CDK13: variants seen among roughly 807,000 people sequenced by gnomAD.
The protein encoded by CDK13 is cyclin-dependent kinase 13.
CDK13 carries 40 observed loss-of-function variants against 137.6 expected under a neutral mutation model. That is an observed-to-expected ratio of 0.29 (90% CI 0.23 to 0.38). The LOEUF (loss-of-function observed/expected upper bound fraction) is 0.38. CDK13 is among the 10% of genes least tolerant of loss of function. CDK13 has a pLI of 1.00. For synonymous variants in CDK13, 869 were observed against 760.1 expected (o/e 1.14, Z -2.36); for missense variants, 1,704 against 1,951.8 (o/e 0.87, Z 2.39).
intron 5 of CDK13, among the ~76,000 whole-genome samples, chr7:40,030,271 A>G (rs1785345253): frequency 7.1e-6 from 1 of 141,192 alleles, no homozygotes; most frequent in African/African-American, 3.0e-5. Flanking sequence ...GTATATATAT[A>G]TATAGAGAGA....
intron 5 of CDK13, among the ~76,000 whole-genome samples, chr7:40,016,000 G>A (rs1784997897): frequency 6.6e-6 from 1 of 152,184 alleles, no homozygotes; most frequent in African/African-American, 2.4e-5. Flanking sequence ...AGGAAGTTAA[G>A]GAGCAGATAC....
intron 5 of CDK13, among the ~76,000 whole-genome samples, chr7:40,027,558 A>G (rs1785269752): frequency 2.0e-5 from 3 of 151,970 alleles, no homozygotes. Flanking sequence ...AGTTCTAAAC[A>G]GCTTGGTATT....
Position 39,950,523 on chromosome 7 carries a change from G to T in CDK13, c.-119G>T, listed in dbSNP as rs1477147959. On this transcript the variant is annotated 5_prime_UTR_variant, in exon 1 of 14. Transcript: ENST00000181839. ...CCGGATTATCGTGGCGCTTTTCCCG[G>T]CCGGCTCTGGTGCTCGGTGTCCCTC... The T allele has an allele frequency of 9.5e-6, 12 of 1,266,048 alleles. No homozygotes were observed. The highest frequency in any genetic ancestry group is 2.0e-6 in the Non-Finnish European group (2 of 1,006,580). The allele number at this position is 1,266,048 out of a possible 1,614,324, so 78.4% of individuals were successfully genotyped here. A position where few individuals can be genotyped will look rare whatever the true frequency, so the allele number is the denominator to read the frequency against.
chr7:39,962,998 C>A (rs758980351), intron 1 of CDK13, among the ~76,000 whole-genome samples: 4 of 152,158 alleles, frequency 2.6e-5, no homozygotes, highest in Non-Finnish European at 5.9e-5. Context: ...TGTTTTAGTA[C>A]CAGTACCATG....
At chr7:39,976,323 T>TCTCTCTCTCTCACA in intron 1 of CDK13, among the ~76,000 whole-genome samples, 425 of 39,534 alleles carry the variant, frequency 0.011, 20 homozygotes, top group Middle Eastern at 0.017. Context: ...TCTCTCTCTC[T>TCTCTCTCTCTCACA]CACACACACA....
chr7:39,976,602 C>T (rs1345271655), intron 1 of CDK13, among the ~76,000 whole-genome samples: 4 of 151,958 alleles, frequency 2.6e-5, no homozygotes, highest in African/African-American at 9.6e-5. Context: ...TCTAATACTC[C>T]CAGCGGTTGT....
chr7:40,027,151 C>T (rs1234800779), intron 5 of CDK13, among the ~76,000 whole-genome samples: 1 of 152,206 alleles, frequency 6.6e-6, no homozygotes, highest in African/African-American at 2.4e-5. Context: ...CGAGACCAGC[C>T]TGGCCACCAT....
intron 2 of CDK13, among the ~76,000 whole-genome samples, chr7:39,995,505 C>G (rs1258950848): frequency 6.6e-6 from 1 of 152,168 alleles, no homozygotes; most frequent in Admixed American, 6.5e-5. Context: ...CTTCATTACT[C>G]TAGGAATCTG....
intron 5 of CDK13, among the ~76,000 whole-genome samples, chr7:40,020,386 C>T (rs1785091793): frequency 1.3e-5 from 2 of 152,210 alleles, no homozygotes; most frequent in East Asian, 3.9e-4. Flanking sequence ...TTTATCGCCT[C>T]ATGTTACTAA....
At chr7:40,038,362 T>A (rs1400300887) in intron 5 of CDK13, among the ~76,000 whole-genome samples, 1 of 152,224 alleles carries the variant, frequency 6.6e-6, no homozygotes, top group African/African-American at 2.4e-5. Context: ...TGTGTGGGTA[T>A]GCTATAGTTT....
chr7:40,035,908 T>G (rs1410693926), intron 5 of CDK13, among the ~76,000 whole-genome samples: 1 of 151,756 alleles, frequency 6.6e-6, no homozygotes, highest in Non-Finnish European at 1.5e-5. Context: ...CCACCCGTAA[T>G]CCAGCACTTT....
At chr7:40,056,138 G>T (rs1018619808) in intron 7 of CDK13, among the ~76,000 whole-genome samples, 2 of 152,068 alleles carry the variant, frequency 1.3e-5, no homozygotes, top group African/African-American at 2.4e-5. Flanking sequence ...CTCCACCTAC[G>T]TTGGAACTTG....
At chr7:39,964,776 C>T (rs1783830018) in intron 1 of CDK13, among the ~76,000 whole-genome samples, 1 of 151,896 alleles carries the variant, frequency 6.6e-6, no homozygotes, top group Admixed American at 6.6e-5. Flanking sequence ...TATAAATTTC[C>T]CTCTACACAC....
At chr7:39,999,621 G>T in intron 4 of CDK13, 121 bp downstream of exon 4, 4 of 967,630 alleles carry the variant, frequency 4.1e-6, no homozygotes, top group East Asian at 5.2e-5. Flanking sequence ...TTGTGCTTTT[G>T]TTTCATCTTG....
chr7:40,066,922 TTTTTTTTTTAAACGATTCCTTCTAACCCA>T (rs1786292483), intron 9 of CDK13: 1 of 149,040 alleles, frequency 6.7e-6, no homozygotes, highest in Admixed American at 6.7e-5. Context: ...CCTTCTAACC[TTTTTTTTTTAAACGATTCCTTCTAACCCA>T]TTTTTTTTTT....
chr7:40,010,703 G>A (rs1784876258), intron 5 of CDK13, among the ~76,000 whole-genome samples: 1 of 152,064 alleles, frequency 6.6e-6, no homozygotes, highest in Non-Finnish European at 1.5e-5. Context: ...AAAAACAGTT[G>A]GAACTTCGCT....
intron 7 of CDK13, among the ~76,000 whole-genome samples, chr7:40,050,549 G>T (rs998702359): frequency 1.3e-5 from 2 of 152,104 alleles, no homozygotes; most frequent in African/African-American, 4.8e-5. Flanking sequence ...GCACCACCAT[G>T]CCCAGCTAAT....
intron 1 of CDK13, 50 bp downstream of exon 1, chr7:39,951,902 C>T: frequency 7.6e-7 from 1 of 1,317,868 alleles, no homozygotes; most frequent in Non-Finnish European, 9.7e-7. Flanking sequence ...CTGGCCAGAT[C>T]CCCAGGAGGA....
chr7:39,966,433 T>G (rs964494501), intron 1 of CDK13, among the ~76,000 whole-genome samples: 3 of 152,238 alleles, frequency 2.0e-5, no homozygotes, highest in Admixed American at 1.3e-4. Flanking sequence ...CATCACGTAG[T>G]TCTTGTGCCT....
Sources: gnomAD v4.1 joint callset for allele counts (sites outside exome capture counted in the v4.1 genomes callset) on GRCh38, gnomAD v4.1.1 for gene constraint, MANE v1.5 for transcripts, NCBI Gene and HGNC (gene_info 2026-07-23, HGNC 2026-07-21) for gene names.